The following COMMD10 variants were observed in gnomAD, a reference collection of about 807,000 sequenced individuals.
COMMD10 encodes COMM domain-containing protein 10.
Under a neutral mutation model 28.9 loss-of-function variants are expected in COMMD10, and 33 were observed. The ratio of observed to expected loss-of-function variants is 1.14; its 90% CI spans 0.87 to 1.53. The LOEUF (loss-of-function observed/expected upper bound fraction) is 1.53. Among genes scored for constraint, COMMD10 ranks in the 40% most tolerant of loss-of-function variants. The probability of loss-of-function intolerance (pLI) is 0.00; values close to 1 mark genes in which losing one functional copy is unlikely to be tolerated. For synonymous variants in COMMD10, 110 were observed against 81.7 expected (o/e 1.35, Z -1.87); for missense variants, 310 against 233.4 (o/e 1.33, Z -2.14).
intron 5 of COMMD10, among the ~76,000 whole-genome samples, chr5:116,226,581 C>T (rs1749399690): frequency 6.6e-6 from 1 of 151,752 alleles, no homozygotes; most frequent in Non-Finnish European, 1.5e-5. Flanking sequence ...CGGCATTGAA[C>T]TTAGTAGCAA....
At chr5:116,170,459 C>A (rs577279874) in intron 5 of COMMD10, among the ~76,000 whole-genome samples, 64 of 152,218 alleles carry the variant, frequency 4.2e-4, no homozygotes, top group African/African-American at 1.4e-3. Context: ...TACCATTGAA[C>A]TTCTTCACAG....
At chr5:116,259,163 A>G (rs1487621602) in intron 5 of COMMD10, among the ~76,000 whole-genome samples, 2 of 150,514 alleles carry the variant, frequency 1.3e-5, no homozygotes, top group Admixed American at 6.6e-5. Context: ...CCTGGGTTCA[A>G]GTGATTCTCC....
intron 5 of COMMD10, among the ~76,000 whole-genome samples, chr5:116,167,785 G>A (rs1332264584): frequency 1.3e-5 from 2 of 152,156 alleles, no homozygotes; most frequent in Middle Eastern, 3.4e-3. Flanking sequence ...CAGATACTAA[G>A]GGATTTTGTT....
At chr5:116,130,096 G>T (rs892826887) in intron 4 of COMMD10, among the ~76,000 whole-genome samples, 3 of 151,516 alleles carry the variant, frequency 2.0e-5, no homozygotes, top group Admixed American at 6.6e-5. Context: ...AATTAAGAAA[G>T]CCAATCCATG....
chr5:116,232,432 A>G (rs967474595), intron 5 of COMMD10, among the ~76,000 whole-genome samples: 3 of 152,162 alleles, frequency 2.0e-5, no homozygotes, highest in African/African-American at 7.2e-5. Flanking sequence ...AATTCAATCC[A>G]TGGTGTTGGT....
chr5:116,277,831 T>A (rs1198558082), intron 5 of COMMD10, among the ~76,000 whole-genome samples: 1 of 151,942 alleles, frequency 6.6e-6, no homozygotes, highest in Non-Finnish European at 1.5e-5. Context: ...TACCTTTTTC[T>A]TACTCTGTGA....
chr5:116,287,164 A>G (rs188524140), intron 5 of COMMD10, among the ~76,000 whole-genome samples: 2 of 151,896 alleles, frequency 1.3e-5, no homozygotes, highest in East Asian at 3.9e-4. Context: ...GAGGGAAAAA[A>G]TGGCTTTGTT....
intron 4 of COMMD10, among the ~76,000 whole-genome samples, chr5:116,131,618 T>G (rs1456160339): frequency 6.6e-6 from 1 of 152,078 alleles, no homozygotes; most frequent in Admixed American, 6.6e-5. Flanking sequence ...GAATCTTTAG[T>G]GTTGACTCTG....
At chr5:116,268,229 C>A (rs1281567691) in intron 5 of COMMD10, among the ~76,000 whole-genome samples, 2 of 151,758 alleles carry the variant, frequency 1.3e-5, no homozygotes, top group Admixed American at 6.6e-5. Flanking sequence ...CCAGAATCTA[C>A]AAAGAACTTA....
chr5:116,223,957 T>A (rs530489565), intron 5 of COMMD10, among the ~76,000 whole-genome samples: 9 of 152,314 alleles, frequency 5.9e-5, no homozygotes, highest in South Asian at 2.1e-4. Context: ...TAAATTTTTT[T>A]AAAAGTAATG....
At chr5:116,250,719 T>TCAGC (rs1750089315) in intron 5 of COMMD10, among the ~76,000 whole-genome samples, 1 of 151,908 alleles carries the variant, frequency 6.6e-6, no homozygotes, top group Non-Finnish European at 1.5e-5. Flanking sequence ...AGGGAACTGA[T>TCAGC]CAGCCTGCCT....
At chr5:116,235,161 C>G (rs1039723520) in intron 5 of COMMD10, among the ~76,000 whole-genome samples, 2 of 152,124 alleles carry the variant, frequency 1.3e-5, no homozygotes, top group Middle Eastern at 3.2e-3. Context: ...CAAACTGATA[C>G]AATTGAGAAG....
intron 4 of COMMD10, among the ~76,000 whole-genome samples, chr5:116,113,497 T>C (rs767646916): frequency 3.9e-5 from 6 of 152,106 alleles, no homozygotes; most frequent in Middle Eastern, 3.4e-3. Context: ...TTTTTTCTTA[T>C]TTTTAAAATT....
At chr5:116,244,227 A>G (rs1428140541) in intron 5 of COMMD10, among the ~76,000 whole-genome samples, 2 of 151,964 alleles carry the variant, frequency 1.3e-5, no homozygotes, top group East Asian at 3.8e-4. Flanking sequence ...TTTCTTTTTT[A>G]AAACAACTTG....
At chr5:116,288,589 G>C (rs1462234605) in intron 5 of COMMD10, among the ~76,000 whole-genome samples, 1 of 151,460 alleles carries the variant, frequency 6.6e-6, no homozygotes, top group African/African-American at 2.4e-5. Flanking sequence ...ATATGGACCT[G>C]GTTGATATTG....
chr5:116,091,015 G>A (rs1750277746), intron 2 of COMMD10, 64 bp from the exon 3 acceptor site: 10 of 942,542 alleles, frequency 1.1e-5, no homozygotes, highest in Non-Finnish European at 1.6e-5. Flanking sequence ...TGAATCTTCT[G>A]TCAAGTATGA....
chr5:116,257,274 A>G (rs932064944), intron 5 of COMMD10, among the ~76,000 whole-genome samples: 3 of 151,544 alleles, frequency 2.0e-5, no homozygotes, highest in Non-Finnish European at 4.4e-5. Context: ...AGCATTTCAG[A>G]TTTCAGATTT....
At chr5:116,254,603 T>C (rs1163098502) in intron 5 of COMMD10, among the ~76,000 whole-genome samples, 4 of 151,516 alleles carry the variant, frequency 2.6e-5, no homozygotes, top group Admixed American at 6.6e-5. Flanking sequence ...TGTAGTTGAG[T>C]GGTTTTGAGT....
chr5:116,101,687 A>G (rs1244670619), intron 4 of COMMD10, among the ~76,000 whole-genome samples: 1 of 152,160 alleles, frequency 6.6e-6, no homozygotes, highest in Non-Finnish European at 1.5e-5. Context: ...AGCCTCCCAA[A>G]GTGTGGGCTT....
Sources: allele counts gnomAD v4.1 joint callset (sites outside exome capture counted in the v4.1 genomes callset), GRCh38; gene constraint gnomAD v4.1.1; transcripts MANE v1.5; gene names NCBI Gene and HGNC (gene_info 2026-07-23, HGNC 2026-07-21).